The following LTBP1 variants were observed in gnomAD, a reference collection of about 807,000 sequenced individuals.
The protein encoded by LTBP1 is latent transforming growth factor beta binding protein 1, also known as latent-transforming growth factor beta-binding protein 1.
LTBP1 carries 129 observed loss-of-function variants against 207.6 expected under a neutral mutation model. The ratio of observed to expected loss-of-function variants is 0.62; its 90% confidence interval spans 0.54 to 0.72. The LOEUF is 0.72. Among genes scored for constraint, LTBP1 ranks in the 30% least tolerant of loss-of-function variants. The pLI, the probability that LTBP1 is intolerant of heterozygous loss-of-function variation, is 0.00. For synonymous variants in LTBP1, 963 were observed against 833.7 expected, an observed-to-expected ratio of 1.16 and a Z score of -2.67; for missense variants, 2,281 against 2,217.2, an observed-to-expected ratio of 1.03 and a Z score of -0.58.
chr2:33,063,780 A>G (rs1334177434), intron 3 of LTBP1, among the ~76,000 whole-genome samples: 5 of 151,994 alleles, frequency 3.3e-5, no homozygotes, highest in Admixed American at 6.6e-5. Context: ...CTACATTTAT[A>G]TATGTTTTAT....
chr2:33,033,118 T>C (rs2075762486), intron 3 of LTBP1, among the ~76,000 whole-genome samples: 1 of 152,246 alleles, frequency 6.6e-6, no homozygotes, highest in South Asian at 2.1e-4. Flanking sequence ...GAATATTTAC[T>C]GTGTGCCAGG....
chr2:33,249,498 A>G (rs536508772), intron 10 of LTBP1, among the ~76,000 whole-genome samples: 1 of 152,330 alleles, frequency 6.6e-6, no homozygotes, highest in South Asian at 2.1e-4. Flanking sequence ...ATCACTGAGG[A>G]ACCCGAATAA....
intron 32 of LTBP1, 123 bp from the exon 33 acceptor site, chr2:33,397,010 G>A (rs1032833980): frequency 2.6e-6 from 2 of 776,922 alleles, no homozygotes; most frequent in East Asian, 2.7e-5. Flanking sequence ...ACTTTAAGAT[G>A]TCTGAAATAT....
chr2:33,290,986 T>G (rs1001795151), intron 19 of LTBP1, among the ~76,000 whole-genome samples: 2 of 152,216 alleles, frequency 1.3e-5, no homozygotes, highest in Non-Finnish European at 2.9e-5. Context: ...ACCTTCCTTC[T>G]TTGTAGAGAT....
chr2:33,113,460 T>G (rs1458335332), intron 4 of LTBP1, among the ~76,000 whole-genome samples: 1 of 152,220 alleles, frequency 6.6e-6, no homozygotes, highest in Non-Finnish European at 1.5e-5. Flanking sequence ...CGCAGCACTC[T>G]CCAGATAAAA....
chr2:33,121,185 G>A (rs1335433915), intron 4 of LTBP1, among the ~76,000 whole-genome samples: 6 of 69,100 alleles, frequency 8.7e-5, no homozygotes, highest in South Asian at 5.2e-4. Flanking sequence ...TTTTTTTTTA[G>A]TTTCTTACAT....
At position 33,242,467 on chromosome 2, in the gene LTBP1, G is replaced by T. The variant is rs190974605; in HGVS notation, c.1877-1195G>T. ...TTTCTGAATCTTCTGCTGCTACTGG[G>T]TATTTCTACTTGGGTATCCCAATGT... On this transcript the variant is annotated intron_variant, in intron 9 of 33. Transcript: ENST00000404816. Among the ~76,000 whole-genome samples, 25 of 152,082 alleles carry T rather than the reference G, an allele frequency of 1.6e-4. No individual in the cohort carries two copies. In the East Asian group the frequency reaches 4.5e-3, roughly 27 times the overall value.
rs561988892 is a variant in LTBP1 at position 33,348,264 on chromosome 2, C to T, written c.4000+754C>T. Among the ~76,000 whole-genome samples the T allele has an allele frequency of 2.6e-5, 4 of 152,218 alleles. No homozygotes were observed. The South Asian group carries it at 8.3e-4, about 32-fold the overall frequency. On this transcript the variant is annotated intron_variant, in intron 26 of 33. Transcript: ENST00000404816. The stretch of plus-strand genomic sequence containing the variant: ...TGCTTCCATAATAGCTTTCACTACT[C>T]CTCTGGAGGATACACTTGTTCTGTG...
chr2:33,161,835 T>G (rs576601525), intron 5 of LTBP1, among the ~76,000 whole-genome samples: 1 of 152,344 alleles, frequency 6.6e-6, no homozygotes, highest in Middle Eastern at 3.4e-3. Flanking sequence ...TGATCAGTCT[T>G]AGGAATTATG....
chr2:33,244,705 T>C (rs1444438211), intron 10 of LTBP1, among the ~76,000 whole-genome samples: 2 of 151,636 alleles, frequency 1.3e-5, no homozygotes, highest in Non-Finnish European at 2.9e-5. Context: ...ATGATCACTG[T>C]TCAGCCTGCT....
At chr2:33,030,299 A>G (rs575781747) in intron 3 of LTBP1, among the ~76,000 whole-genome samples, 1 of 152,310 alleles carries the variant, frequency 6.6e-6, no homozygotes, top group African/African-American at 2.4e-5. Flanking sequence ...AAGAAATTTG[A>G]AAGGAAACAC....
At chr2:33,098,172 T>A (rs1257384085) in intron 3 of LTBP1, among the ~76,000 whole-genome samples, 5 of 152,208 alleles carry the variant, frequency 3.3e-5, no homozygotes, top group Non-Finnish European at 7.3e-5. Flanking sequence ...TGTAATCTCA[T>A]TATGATTGCC....
intron 15 of LTBP1, among the ~76,000 whole-genome samples, chr2:33,264,395 T>C (rs1176805669): frequency 6.6e-6 from 1 of 152,196 alleles, no homozygotes; most frequent in African/African-American, 2.4e-5. Flanking sequence ...ATTATGTTCT[T>C]TAATATATTT....
chr2:33,277,795 T>TCTTTC (rs2093468567), intron 18 of LTBP1, among the ~76,000 whole-genome samples: 1 of 107,968 alleles, frequency 9.3e-6, no homozygotes, highest in African/African-American at 4.0e-5. Flanking sequence ...CTTTCTTTCT[T>TCTTTC]TCTCTCTCTC....
chr2:32,954,549 C>CG (rs11451472), intron 2 of LTBP1, among the ~76,000 whole-genome samples: 1 of 35,294 alleles, frequency 2.8e-5, no homozygotes, highest in South Asian at 9.4e-4. Context: ...CCACTCCCCG[C>CG]CCCCCCCCAC....
intron 3 of LTBP1, among the ~76,000 whole-genome samples, chr2:33,040,794 A>T (rs2076145356): frequency 6.6e-6 from 1 of 152,200 alleles, no homozygotes; most frequent in African/African-American, 2.4e-5. Flanking sequence ...GTGCAGGGTC[A>T]CTTGCTTTTC....
chr2:33,361,676 G>A (rs1408853283), intron 28 of LTBP1, among the ~76,000 whole-genome samples, 161 bp downstream of exon 28: 1 of 152,180 alleles, frequency 6.6e-6, no homozygotes, highest in Non-Finnish European at 1.5e-5. Flanking sequence ...CCATGGACTT[G>A]CAGTCAGAAC....
chr2:33,187,453 TG>T (rs1459840382), intron 6 of LTBP1, among the ~76,000 whole-genome samples: 1 of 152,112 alleles, frequency 6.6e-6, no homozygotes, highest in African/African-American at 2.4e-5. Context: ...GCACAGTACC[TG>T]CTGGTGAACT....
chr2:33,072,681 G>A lies in LTBP1; in HGVS notation c.864-37901G>A, dbSNP rs111634722. ...AGGACTAAAAGTGCCCCAACATGAG[G>A]TGATAAGGACTATGGGAGTTACGAG... On this transcript the variant is annotated intron_variant, in intron 3 of 33. Transcript: ENST00000404816. Among the ~76,000 whole-genome samples, 538 of 152,300 alleles carry A rather than the reference G, an allele frequency of 3.5e-3. 5 individuals are homozygous for A. Among genetic ancestry groups the A allele is most frequent in the African/African-American group, 0.012 (507 of 41,558 alleles).
Sources: allele counts gnomAD v4.1 joint callset (sites outside exome capture counted in the v4.1 genomes callset), GRCh38; gene constraint gnomAD v4.1.1; transcripts MANE v1.5; gene names NCBI Gene and HGNC (gene_info 2026-07-23, HGNC 2026-07-21).